VWF: variants seen among roughly 807,000 people sequenced by gnomAD.
VWF encodes the protein Factor VIII related antigen.
Under a neutral mutation model 308.6 loss-of-function variants are expected in VWF, and 176 were observed. The ratio of observed to expected loss-of-function variants is 0.57; its 90% CI spans 0.50 to 0.65. The LOEUF is 0.65. Among genes scored for constraint, VWF ranks in the 30% least tolerant of loss-of-function variants. The pLI is 0.00. For synonymous variants in VWF, 1,385 were observed against 1,443.4 expected (o/e 0.96, Z 0.92); for missense variants, 3,146 against 3,648.2 (o/e 0.86, Z 3.55).
chr12:6,096,956 G>A (rs144150284), intron 5 of VWF, among the ~76,000 whole-genome samples: 1 of 152,234 alleles, frequency 6.6e-6, no homozygotes, highest in Non-Finnish European at 1.5e-5. Context: ...TAGTCAGTTG[G>A]TATGTGGGGG....
chr12:6,027,258 C>T (rs1311981460), intron 22 of VWF, among the ~76,000 whole-genome samples: 3 of 152,204 alleles, frequency 2.0e-5, no homozygotes, highest in African/African-American at 7.2e-5. Context: ...CTGCAGACAC[C>T]TACCACCTTA....
At chr12:6,099,894 G>A (rs1422631787) in intron 5 of VWF, among the ~76,000 whole-genome samples, 4 of 151,984 alleles carry the variant, frequency 2.6e-5, no homozygotes, top group Non-Finnish European at 4.4e-5. Context: ...TGACAAATGG[G>A]ATCTAATTAA....
At chr12:6,059,848 T>G (rs930484289) in intron 13 of VWF, among the ~76,000 whole-genome samples, 2 of 152,194 alleles carry the variant, frequency 1.3e-5, no homozygotes, top group Non-Finnish European at 2.9e-5. Flanking sequence ...ATGACTAGGT[T>G]CTCCTCCTGA....
At position 6,065,214 on chromosome 12, in the gene VWF, A is replaced by G. The variant is rs1944699852; in HGVS notation, c.1216T>C (p.Phe406Leu). 2.5e-6 allele frequency: 4 copies of G among 1,614,176 alleles called. No homozygotes were observed. In the African/African-American group the frequency reaches 4.0e-5, roughly 16 times the overall value. The change falls in exon 11 of 52, where the codon TTC becomes CTC. Residue 406 changes from phenylalanine (F) to leucine (L), a missense_variant. Transcript: ENST00000261405. ...FKSFDNRYFT[F>L]SGICQYLLAR... ...AGCAGGTACTGGCAGATCCCACTGA[A>G]GGTGAAGTATCTGTTGTCAAAGCTC...
chr12:5,974,818 C>T (rs963392573), intron 43 of VWF, among the ~76,000 whole-genome samples: 2 of 152,200 alleles, frequency 1.3e-5, no homozygotes, highest in Non-Finnish European at 2.9e-5. Flanking sequence ...CGGTGCCCAC[C>T]TACAAATCCT....
chr12:6,088,811 G>A (rs901135916), intron 6 of VWF, among the ~76,000 whole-genome samples: 2 of 152,210 alleles, frequency 1.3e-5, no homozygotes, highest in African/African-American at 2.4e-5. Context: ...AGTTTGAAAA[G>A]CTGAAAAAAC....
At chr12:5,996,995 G>A (rs999425190) in intron 34 of VWF, among the ~76,000 whole-genome samples, 3 of 152,052 alleles carry the variant, frequency 2.0e-5, no homozygotes, top group Non-Finnish European at 2.9e-5. Context: ...GACAAACCAC[G>A]ACCACATCTA....
At chr12:6,017,332 G>T (rs1332441357) in intron 28 of VWF, among the ~76,000 whole-genome samples, 2 of 152,160 alleles carry the variant, frequency 1.3e-5, no homozygotes, top group Non-Finnish European at 2.9e-5. Context: ...AGCTATAAAT[G>T]CCTAGTGCTC....
At chr12:5,983,096 C>T (rs901997606) in intron 41 of VWF, 54 bp downstream of exon 41, 1 of 1,563,702 alleles carries the variant, frequency 6.4e-7, no homozygotes, top group Middle Eastern at 1.7e-4. Context: ...GATGGCCTCC[C>T]TCACACCAGC....
At chr12:5,993,087 C>G (rs1163612622) in intron 37 of VWF, among the ~76,000 whole-genome samples, 1 of 152,264 alleles carries the variant, frequency 6.6e-6, no homozygotes, top group East Asian at 1.9e-4. Flanking sequence ...CCCAAGTCCT[C>G]CAGACCCAGC....
rs1283877127 is a variant in VWF, at chr12:6,018,462, C to A, written c.4956G>T (p.Gln1652His). 1 of 1,613,266 alleles carries A rather than the reference C, an allele frequency of 6.2e-7. No individual in the cohort carries two copies. The highest frequency in any genetic ancestry group is 1.3e-5 in the African/African-American group (1 of 74,866). Residue 1652 changes from glutamine (Q) to histidine (H), a missense_variant, in exon 28 of 52, where the codon CAG (glutamine) becomes CAT (histidine). Coordinates refer to ENST00000261405, the MANE Select transcript of VWF (RefSeq NM_000552.5). ...IGWPNAPILI[Q>H]DFETLPREAP... ...CCTCTCGGGGGAGCGTCTCAAAGTC[C>A]TGGATGAGGATAGGGGCATTGGGCC...
At chr12:6,090,082 C>A (rs1227241329) in intron 6 of VWF, among the ~76,000 whole-genome samples, 1 of 152,028 alleles carries the variant, frequency 6.6e-6, no homozygotes, top group African/African-American at 2.4e-5. Context: ...CTCAGCCTCC[C>A]GAGTAGCTGG....
chr12:6,049,667 C>A (rs920022421), intron 16 of VWF, among the ~76,000 whole-genome samples: 1 of 152,234 alleles, frequency 6.6e-6, no homozygotes, highest in Non-Finnish European at 1.5e-5. Context: ...GCCTCAAATT[C>A]TTTACTAAAA....
intron 10 of VWF, among the ~76,000 whole-genome samples, chr12:6,067,501 G>A (rs1944729608): frequency 6.6e-6 from 1 of 152,200 alleles, no homozygotes; most frequent in African/African-American, 2.4e-5. Context: ...GACCTTCACT[G>A]ACTTGTGTTC....
At chr12:5,967,714 C>A in intron 46 of VWF, 112 bp from the exon 47 acceptor site, 1 of 948,332 alleles carries the variant, frequency 1.1e-6, no homozygotes, top group Non-Finnish European at 1.7e-6. Flanking sequence ...TGAGCCATCG[C>A]TCTGCTGCTC....
At chr12:6,092,851 A>ACCTC in intron 6 of VWF, among the ~76,000 whole-genome samples, 1 of 152,018 alleles carries the variant, frequency 6.6e-6, no homozygotes, top group South Asian at 2.1e-4. Context: ...GGACATATGT[A>ACCTC]ACATGTATGT....
chr12:6,079,438 C>A (rs1944880779), intron 6 of VWF, among the ~76,000 whole-genome samples: 1 of 149,170 alleles, frequency 6.7e-6, no homozygotes. Flanking sequence ...AACCCCATCT[C>A]TACTAAAAAT....
intron 47 of VWF, among the ~76,000 whole-genome samples, chr12:5,964,013 C>T (rs1943349661): frequency 6.6e-6 from 1 of 152,036 alleles, no homozygotes; most frequent in South Asian, 2.1e-4. Context: ...TGAGACCATT[C>T]TGGTTAACAC....
intron 51 of VWF, 80 bp downstream of exon 51, chr12:5,949,706 T>C: frequency 1.4e-6 from 2 of 1,391,178 alleles, no homozygotes; most frequent in Non-Finnish European, 2.0e-6. Flanking sequence ...CAGATCCTTC[T>C]AGAATGTAAC....
Sources: gnomAD v4.1 joint callset for allele counts (sites outside exome capture counted in the v4.1 genomes callset) on GRCh38, gnomAD v4.1.1 for gene constraint, MANE v1.5 for transcripts, NCBI Gene and HGNC (gene_info 2026-07-23, HGNC 2026-07-21) for gene names.